CLSTN2: variants seen among roughly 807,000 people sequenced by gnomAD.
CLSTN2 encodes the protein calsyntenin 2.
A neutral mutation model predicts 101.2 loss-of-function variants in CLSTN2; 48 were observed. The observed-to-expected ratio is 0.47, with a 90% CI of 0.38 to 0.60. CLSTN2 has a LOEUF of 0.60. CLSTN2 is among the 20% of genes least tolerant of loss of function. The probability of loss-of-function intolerance (pLI) is 0.00; values close to 1 mark genes in which losing one functional copy is unlikely to be tolerated. For missense variants in CLSTN2, 1,160 were observed against 1,238.2 expected, an observed-to-expected ratio of 0.94 and a Z score of 0.95; for synonymous variants, 481 against 463.6, an observed-to-expected ratio of 1.04 and a Z score of -0.48.
intron 2 of CLSTN2, among the ~76,000 whole-genome samples, chr3:140,339,123 TG>T (rs1315004357): frequency 6.6e-6 from 1 of 152,116 alleles, no homozygotes; most frequent in Non-Finnish European, 1.5e-5. Flanking sequence ...GGGCTCAAGG[TG>T]GACAGTCCAG....
intron 2 of CLSTN2, among the ~76,000 whole-genome samples, chr3:140,353,239 AC>A (rs2087630641): frequency 1.9e-5 from 2 of 102,600 alleles, no homozygotes; most frequent in African/African-American, 7.6e-5. Context: ...ATGTATGTTT[AC>A]ACATATATAT....
chr3:140,048,665 G>T (rs116132997), intron 1 of CLSTN2, among the ~76,000 whole-genome samples: 1,930 of 152,288 alleles, frequency 0.013, 48 homozygotes, highest in African/African-American at 0.042. Flanking sequence ...GAAGAGCTGG[G>T]TGTGACCTGG....
At chr3:140,409,321 G>A (rs955069342) in intron 4 of CLSTN2, among the ~76,000 whole-genome samples, 1 of 152,192 alleles carries the variant, frequency 6.6e-6, no homozygotes, top group African/African-American at 2.4e-5. Flanking sequence ...ACTGGACCCA[G>A]GGCACCACTG....
At chr3:139,962,264 AT>A (rs556017804) in intron 1 of CLSTN2, among the ~76,000 whole-genome samples, 98 of 152,254 alleles carry the variant, frequency 6.4e-4, no homozygotes, top group African/African-American at 1.5e-3. Flanking sequence ...CTTTACTGTC[AT>A]TTTTAACAGG....
At chr3:140,476,499 A>T (rs1933986637) in intron 8 of CLSTN2, among the ~76,000 whole-genome samples, 1 of 152,190 alleles carries the variant, frequency 6.6e-6, no homozygotes, top group Non-Finnish European at 1.5e-5. Flanking sequence ...CAAGAGGGTA[A>T]AAGGCACCAG....
chr3:140,442,770 C>A (rs899801658), intron 5 of CLSTN2, among the ~76,000 whole-genome samples: 1 of 152,100 alleles, frequency 6.6e-6, no homozygotes, highest in Non-Finnish European at 1.5e-5. Flanking sequence ...ATGTATGGCT[C>A]CTTACTGGCC....
chr3:140,033,268 G>C (rs1321755337), intron 1 of CLSTN2, among the ~76,000 whole-genome samples: 1 of 152,144 alleles, frequency 6.6e-6, no homozygotes, highest in African/African-American at 2.4e-5. Flanking sequence ...CTTCATTAGG[G>C]AACCAGGCAG....
intron 1 of CLSTN2, among the ~76,000 whole-genome samples, chr3:140,064,581 C>T (rs752620411): frequency 8.0e-4 from 122 of 152,144 alleles, no homozygotes; most frequent in Non-Finnish European, 6.9e-4. Context: ...TGGGATGTGA[C>T]CAAAGCTGTA....
Position 140,259,505 on chromosome 3 carries a change from C to A in CLSTN2, c.232+83432C>A, listed in dbSNP as rs1450753522. ...ACAAAACAAAACAAAAAAAGCTGCA[C>A]ATATTTAAAGTATGCAATTTGATAA... is the stretch of plus-strand genomic sequence containing the variant. On this transcript the variant is annotated intron_variant, in intron 2 of 16. Coordinates refer to ENST00000458420, the MANE Select transcript of CLSTN2 (RefSeq NM_022131.3). Among the ~76,000 whole-genome samples the A allele has an allele frequency of 2.0e-5, 3 of 152,018 alleles. No homozygotes were observed. The East Asian group carries it at 5.8e-4, about 29-fold the overall frequency.
intron 1 of CLSTN2, among the ~76,000 whole-genome samples, chr3:140,014,545 G>A (rs1188298958): frequency 2.0e-5 from 3 of 152,172 alleles, no homozygotes; most frequent in East Asian, 1.9e-4. Context: ...TAGGGGGTTC[G>A]AGCTCAGTAA....
rs2006736518 is a variant in CLSTN2 at position 139,998,422 on chromosome 3, C to T, written c.109+62939C>T. ...GGCGCGAGGCTCACTGCAAGCTCCG[C>T]CTCCCGGGTTCACGCCATTCTCCTA... On this transcript the variant is annotated intron_variant, in intron 1 of 16. Coordinates refer to ENST00000458420, the MANE Select transcript of CLSTN2 (RefSeq NM_022131.3). Among the ~76,000 whole-genome samples the T allele has an allele frequency of 2.2e-5, 3 of 133,982 alleles. 1 individual carries two copies. Among genetic ancestry groups the T allele is most frequent in the Non-Finnish European group, 3.1e-5 (2 of 64,700 alleles). 87.9% of individuals were successfully genotyped at this position (133,982 alleles called of 152,430 possible).
Position 140,171,853 on chromosome 3 carries a change from ATATT to A in CLSTN2, c.110-4097_110-4094del, listed in dbSNP as rs1388217735. Among the ~76,000 whole-genome samples, 7 of 115,302 alleles carry A rather than the reference ATATT, an allele frequency of 6.1e-5. 1 individual carries two copies. The Admixed American group carries it at 7.9e-4, about 13-fold the overall frequency. 75.6% of individuals were successfully genotyped at this position (115,302 alleles called of 152,430 possible). On this transcript the variant is annotated intron_variant, in intron 1 of 16. Transcript: ENST00000458420. ...AATAACAATATATAATATAATATATATATTATATAATAACAATATATAATATATA... is the reference window on the plus strand; with the variant it reads ...AATAACAATATATAATATAATATATAATATAATAACAATATATAATATATA...
chr3:140,204,887 G>A (rs2010760244), intron 2 of CLSTN2, among the ~76,000 whole-genome samples: 1 of 152,174 alleles, frequency 6.6e-6, no homozygotes, highest in African/African-American at 2.4e-5. Context: ...GCTATATGAG[G>A]CCACTGGGGA....
At chr3:140,485,648 G>A (rs988339109) in intron 8 of CLSTN2, among the ~76,000 whole-genome samples, 59 of 152,028 alleles carry the variant, frequency 3.9e-4, no homozygotes, top group African/African-American at 1.3e-3. Context: ...CTCAAGCCTC[G>A]GCAATGGCAG....
At chr3:140,074,391 G>A (rs1164171626) in intron 1 of CLSTN2, among the ~76,000 whole-genome samples, 1 of 152,060 alleles carries the variant, frequency 6.6e-6, no homozygotes, top group African/African-American at 2.4e-5. Flanking sequence ...GCAGCATGTC[G>A]ACAACCTGGG....
At chr3:140,024,305 G>A (rs2007376020) in intron 1 of CLSTN2, among the ~76,000 whole-genome samples, 1 of 152,198 alleles carries the variant, frequency 6.6e-6, no homozygotes, top group Non-Finnish European at 1.5e-5. Flanking sequence ...TGCGGCATGG[G>A]TGCCCACCTT....
chr3:139,944,565 C>T (rs1935186533), intron 1 of CLSTN2, among the ~76,000 whole-genome samples: 1 of 152,222 alleles, frequency 6.6e-6, no homozygotes, highest in African/African-American at 2.4e-5. Context: ...CTCCCATTGC[C>T]ACCTGTCTCC....
intron 2 of CLSTN2, among the ~76,000 whole-genome samples, chr3:140,401,042 G>T (rs1477167109): frequency 6.6e-6 from 1 of 152,220 alleles, no homozygotes; most frequent in Non-Finnish European, 1.5e-5. Flanking sequence ...CTACCAGACT[G>T]CAAGCGGCTT....
rs116682374 is a variant in CLSTN2, at chr3:140,117,739, C to G, written c.110-58212C>G. On this transcript the variant is annotated intron_variant, in intron 1 of 16. Transcript: ENST00000458420. ...TAGGATTAGCAGAGCAATGGAGGGA[C>G]AGCAGGGGCAGATGCAGTTATGCCC... Among the ~76,000 whole-genome samples, 1,521 of 152,302 alleles carry G rather than the reference C, an allele frequency of 1.0e-2. 6 individuals are homozygous for G. The highest frequency in any genetic ancestry group is 0.015 in the Non-Finnish European group (1,026 of 68,034).
Sources: allele counts gnomAD v4.1 joint callset (sites outside exome capture counted in the v4.1 genomes callset), GRCh38; gene constraint gnomAD v4.1.1; transcripts MANE v1.5; gene names NCBI Gene and HGNC (gene_info 2026-07-23, HGNC 2026-07-21).